Variants in COL5A1 observed in about 807,000 individuals in gnomAD.
COL5A1 encodes collagen alpha-1(V) chain.
A neutral mutation model predicts 263.7 loss-of-function variants in COL5A1; 16 were observed. The observed-to-expected ratio is 0.06, with a 90% CI of 0.04 to 0.09. The LOEUF (loss-of-function observed/expected upper bound fraction) is 0.09, where lower values mean the gene tolerates loss of function less well. COL5A1 is among the 10% of genes least tolerant of loss of function. COL5A1 has a pLI of 1.00. For synonymous variants in COL5A1, 1,012 were observed against 1,004.5 expected (o/e 1.01, Z -0.14); for missense variants, 2,036 against 2,540.5 (o/e 0.80, Z 4.27).
At chr9:134,813,653 C>T (rs1370114050) in intron 48 of COL5A1, among the ~76,000 whole-genome samples, 2 of 152,246 alleles carry the variant, frequency 1.3e-5, no homozygotes, top group East Asian at 1.9e-4. Context: ...TCGGCCCTGG[C>T]CATCCCCCAC....
chr9:134,746,513 G>A (rs1485460491), intron 11 of COL5A1, among the ~76,000 whole-genome samples: 2 of 152,238 alleles, frequency 1.3e-5, no homozygotes, highest in Non-Finnish European at 2.9e-5. Context: ...AATCTGCAGT[G>A]GCAGAGGGAG....
chr9:134,643,671 G>A (rs1311213350), intron 1 of COL5A1, among the ~76,000 whole-genome samples: 1 of 152,120 alleles, frequency 6.6e-6, no homozygotes, highest in East Asian at 1.9e-4. Flanking sequence ...AACTGGGCTT[G>A]TGTTTCTCCA....
chr9:134,681,589 C>T lies in COL5A1; in HGVS notation c.110-9323C>T, dbSNP rs1188250137. Reference sequence around the variant, plus strand: ...TCACTGGCTCCAGAGTGGAATAGCGCTTGGGACTGGGGTGGACTGGGCACT... The same window carrying T: ...TCACTGGCTCCAGAGTGGAATAGCGTTTGGGACTGGGGTGGACTGGGCACT... On this transcript the variant is annotated intron_variant, in intron 1 of 65. Coordinates refer to ENST00000371817, the MANE Select transcript of COL5A1 (RefSeq NM_000093.5). This position sits in a 1 kb window ranked among gnomAD's most constrained non-coding sequence, Gnocchi z 4.3. 2.0e-5 allele frequency among the ~76,000 whole-genome samples: 3 copies of T among 152,038 alleles called. No individual in the cohort carries two copies. The highest frequency in any genetic ancestry group is 4.4e-5 in the Non-Finnish European group (3 of 68,028).
At chr9:134,796,446 CT>C in intron 35 of COL5A1, 28 bp downstream of exon 35, 1 of 1,612,934 alleles carries the variant, frequency 6.2e-7, no homozygotes, top group East Asian at 2.2e-5. Context: ...TCGGGGGTGT[CT>C]CCAAGGGCAG....
intron 30 of COL5A1, 120 bp from the exon 31 acceptor site, chr9:134,785,875 C>A: frequency 1.1e-6 from 1 of 892,814 alleles, no homozygotes; most frequent in Non-Finnish European, 1.8e-6. Context: ...TGTGCCCCCG[C>A]CTCTGGAAAC....
At chr9:134,777,822 CA>C (rs1399517282) in intron 27 of COL5A1, among the ~76,000 whole-genome samples, 1 of 152,316 alleles carries the variant, frequency 6.6e-6, no homozygotes, top group East Asian at 1.9e-4. Flanking sequence ...GCCAGCCACA[CA>C]AACCCAGTCC....
At chr9:134,733,252 C>T (rs928961544) in intron 9 of COL5A1, among the ~76,000 whole-genome samples, 15 of 152,210 alleles carry the variant, frequency 9.9e-5, no homozygotes, top group Non-Finnish European at 1.5e-5. Flanking sequence ...TCTCTTGGAA[C>T]CTTGACGGAT....
chr9:134,754,553 C>T lies in COL5A1; in HGVS notation c.1827+227C>T, dbSNP rs1201296267. 6.6e-6 allele frequency among the ~76,000 whole-genome samples: 1 copy of T among 152,230 alleles called. No individual in the cohort carries two copies. Among genetic ancestry groups the T allele is most frequent in the Non-Finnish European group, 1.5e-5 (1 of 68,038 alleles). On this transcript the variant is annotated intron_variant, in intron 16 of 65. Coordinates refer to ENST00000371817, the MANE Select transcript of COL5A1 (RefSeq NM_000093.5). The surrounding 1 kb of genome is among the most constrained non-coding windows in gnomAD (Gnocchi z 4.3). ...CAGCGGACCAGGCCTCTTCCCTGGG[C>T]ACATTCATTTAGTTTAATAAACCTT... is the stretch of plus-strand genomic sequence containing the variant.
intron 1 of COL5A1, among the ~76,000 whole-genome samples, chr9:134,649,122 A>T (rs960635280): frequency 2.6e-5 from 4 of 151,978 alleles, no homozygotes; most frequent in Admixed American, 2.6e-4. Flanking sequence ...GCCATCTCAG[A>T]TGTTGTTTTT....
intron 64 of COL5A1, 83 bp downstream of exon 64, chr9:134,830,127 C>T (rs371122858): frequency 6.2e-7 from 1 of 1,612,704 alleles, no homozygotes; most frequent in Non-Finnish European, 8.5e-7. Context: ...GCCCGCTGGC[C>T]CAAAGAGCAG....
At chr9:134,834,010 G>A (rs1839752940) in intron 64 of COL5A1, among the ~76,000 whole-genome samples, 1 of 152,156 alleles carries the variant, frequency 6.6e-6, no homozygotes, top group Non-Finnish European at 1.5e-5. Context: ...ACAGCAGTGG[G>A]GGCACCTCCT....
chr9:134,841,113 T>G lies in COL5A1; in HGVS notation c.5371-1044T>G, dbSNP rs753369513. Among the ~76,000 whole-genome samples, 3 of 152,200 alleles carry G rather than the reference T, an allele frequency of 2.0e-5. No homozygotes were observed. Among genetic ancestry groups the G allele is most frequent in the Non-Finnish European group, 2.9e-5 (2 of 68,034 alleles). On this transcript the variant is annotated intron_variant, in intron 65 of 65. Transcript: ENST00000371817. This position sits in a 1 kb window ranked among gnomAD's most constrained non-coding sequence, Gnocchi z 4.8. The stretch of plus-strand genomic sequence containing the variant: ...GAACCCTGGCTGGCCCCTACTTGTT[T>G]ATCTGATCATTTCTTTTGGGGATGG...
intron 4 of COL5A1, among the ~76,000 whole-genome samples, chr9:134,704,486 G>A (rs989078896): frequency 6.6e-6 from 1 of 152,158 alleles, no homozygotes; most frequent in Non-Finnish European, 1.5e-5. Flanking sequence ...CCAGGGAACC[G>A]TGCAGGTCTC....
chr9:134,813,961 A>T, intron 48 of COL5A1, 22 bp from the exon 49 acceptor site: 2 of 1,550,626 alleles, frequency 1.3e-6, no homozygotes, highest in Non-Finnish European at 1.7e-6. Flanking sequence ...CGCTGCCATA[A>T]CCACATGCAC....
chr9:134,792,292 G>A (rs1837718470), intron 32 of COL5A1, among the ~76,000 whole-genome samples: 1 of 152,202 alleles, frequency 6.6e-6, no homozygotes, highest in African/African-American at 2.4e-5. Flanking sequence ...TCCCAGTGTG[G>A]GGCAGGAATG....
In COL5A1 at chr9:134,742,554, C is replaced by T. The variant is rs1039286702; in HGVS notation, c.1494+3746C>T. Among the ~76,000 whole-genome samples, 3 of 152,096 alleles carry T rather than the reference C, an allele frequency of 2.0e-5. No homozygotes were observed. The highest frequency in any genetic ancestry group is 7.2e-5 in the African/African-American group (3 of 41,412). The stretch of plus-strand genomic sequence containing the variant: ...GGGGTTGAACTCAGATCTCCTGTGG[C>T]AGAAGGAAGGTGGCCACTCTTACTT... On this transcript the variant is annotated intron_variant, in intron 11 of 65. Transcript: ENST00000371817. The surrounding 1 kb of genome is among the most constrained non-coding windows in gnomAD (Gnocchi z 4.6).
intron 1 of COL5A1, among the ~76,000 whole-genome samples, chr9:134,670,076 G>C (rs1832493167): frequency 6.6e-6 from 1 of 152,216 alleles, no homozygotes; most frequent in Non-Finnish European, 1.5e-5. Flanking sequence ...CCTGCACTTA[G>C]ACACAGAGAT....
At chr9:134,764,407 G>A (rs1412615013) in intron 20 of COL5A1, among the ~76,000 whole-genome samples, 1 of 121,338 alleles carries the variant, frequency 8.2e-6, no homozygotes, top group African/African-American at 3.8e-5. Context: ...TGGCATCCAG[G>A]GGCATTGTGG....
chr9:134,750,826 G>A lies in COL5A1; in HGVS notation c.1606G>A (p.Gly536Ser). Residue 536 changes from glycine to serine, a missense_variant, in exon 13 of 66, where the codon GGC becomes AGC. By Grantham distance (56) the Gly-to-Ser change is moderately conservative. Around this residue, in one of 3 missense-constraint regions of COL5A1, gnomAD observed 1,078 missense variants for 1,521.4 expected, o/e 0.71. Transcript: ENST00000371817. ...AGGTGGCGGCGATGCGGGCTCCAAA[G>A]GCCCCATGGTCTCAGCCCAGGAGTC... ...FGGGGDAGSKGPMVSAQESQA... is the reference protein window; with the variant it reads ...FGGGGDAGSKSPMVSAQESQA... 1 of 1,613,244 alleles carries A rather than the reference G, an allele frequency of 6.2e-7. No individual in the cohort carries two copies. The highest frequency in any genetic ancestry group is 8.5e-7 in the Non-Finnish European group (1 of 1,180,022).
Sources: gnomAD v4.1 joint callset for allele counts (sites outside exome capture counted in the v4.1 genomes callset) on GRCh38, gnomAD v4.1.1 for gene constraint, gnomAD v4.1.1 regional missense constraint, Gnocchi (gnomAD v3.1) non-coding constraint, MANE v1.5 for transcripts, NCBI Gene and HGNC (gene_info 2026-07-23, HGNC 2026-07-21) for gene names.